Variants in PLXND1 observed in about 807,000 individuals in gnomAD.
PLXND1 encodes the protein plexin D1, also known as plexin-D1.
Under a neutral mutation model 197.7 loss-of-function variants are expected in PLXND1, and 54 were observed. The ratio of observed to expected loss-of-function variants is 0.27; its 90% CI spans 0.22 to 0.34. The LOEUF is 0.34. Among genes scored for constraint, PLXND1 ranks in the 10% least tolerant of loss-of-function variants. PLXND1 has a pLI of 1.00. For missense variants in PLXND1, 2,127 were observed against 2,699.2 expected, an observed-to-expected ratio of 0.79 and a Z score of 4.70; for synonymous variants, 1,180 against 1,161.2, an observed-to-expected ratio of 1.02 and a Z score of -0.33.
chr3:129,565,316 C>A (rs1349172154), intron 25 of PLXND1, 24 bp downstream of exon 25: 1 of 1,606,934 alleles, frequency 6.2e-7, no homozygotes, highest in East Asian at 2.2e-5. Flanking sequence ...CGCCTGGGCT[C>A]TGTCTGTCCC....
At position 129,578,239 on chromosome 3, in the gene PLXND1, G is replaced by C. The variant is rs893663402; in HGVS notation, c.2346+90C>G. The C allele has an allele frequency of 8.8e-6, 7 of 792,316 alleles. No individual in the cohort carries two copies. In the East Asian group the frequency reaches 1.8e-4, roughly 21 times the overall value. 49.1% of individuals were successfully genotyped at this position (792,316 alleles called of 1,614,324 possible). A position where few individuals can be genotyped will look rare whatever the true frequency, so the allele number is the denominator to read the frequency against. ...AGCACTGCAGTGGGCCCAGAGCAGGGGTCACACCAGGACATGGGGGCAGTT... is the reference window on the plus strand; with the variant it reads ...AGCACTGCAGTGGGCCCAGAGCAGGCGTCACACCAGGACATGGGGGCAGTT... On this transcript the variant is annotated intron_variant, in intron 9 of 35. Coordinates refer to ENST00000324093, the MANE Select transcript of PLXND1 (RefSeq NM_015103.3).
At chr3:129,603,837 A>G (rs1371761921) in intron 1 of PLXND1, among the ~76,000 whole-genome samples, 1 of 152,240 alleles carries the variant, frequency 6.6e-6, no homozygotes, top group African/African-American at 2.4e-5. Context: ...GGTCACCACA[A>G]GAAGGCTGAG....
chr3:129,563,652 C>G (rs982935006), intron 25 of PLXND1, among the ~76,000 whole-genome samples: 4 of 152,146 alleles, frequency 2.6e-5, no homozygotes, highest in African/African-American at 9.7e-5. Context: ...TTAGGTGGAC[C>G]CGAAACACCG....
Position 129,560,419 on chromosome 3 carries a change from C to G in PLXND1, c.5044G>C (p.Glu1682Gln). The G allele has an allele frequency of 6.2e-7, 1 of 1,613,216 alleles. No homozygotes were observed. The highest frequency in any genetic ancestry group is 1.1e-5 in the South Asian group (1 of 91,044). Residue 1682 changes from glutamate to glutamine, a missense_variant, in exon 31 of 36, where the codon GAG becomes CAG. Around this residue, in one of 6 missense-constraint regions of PLXND1, gnomAD observed 53 missense variants for 41.4 expected, o/e 1.28. Coordinates refer to ENST00000324093, the MANE Select transcript of PLXND1 (RefSeq NM_015103.3). ...TGAGACTTCTTGGGCTCCGCCAGCT[C>G]GTCCGTAGGCAGCACCTGGGAGGCC... is the stretch of plus-strand genomic sequence containing the variant. ...KYFHLVLPTDELAEPKKSHRQ... is the reference protein window; with the variant it reads ...KYFHLVLPTDQLAEPKKSHRQ...
intron 19 of PLXND1, 178 bp downstream of exon 19, chr3:129,570,608 T>C: frequency 1.5e-6 from 1 of 646,730 alleles, no homozygotes; most frequent in Non-Finnish European, 2.7e-6. Flanking sequence ...AGTCACTAAG[T>C]TCTTGGGCCT....
chr3:129,606,489 G>A lies in PLXND1; in HGVS notation c.151C>T (p.Arg51Cys), dbSNP rs770086679. 4 of 1,423,828 alleles carry A rather than the reference G, an allele frequency of 2.8e-6. No homozygotes were observed. Among genetic ancestry groups the A allele is most frequent in the African/African-American group, 3.0e-5 (2 of 66,866 alleles). The allele number at this position is 1,423,828 out of a possible 1,614,324, so 88.2% of individuals were successfully genotyped here. The stretch of plus-strand genomic sequence containing the variant: ...GTGGGCGTGGGCGAGGGGAACCGAC[G>A]CTGGATCTCCAGGGCGCCGGCCCGC... ...AARAGALEIQ[R>C]RFPSPTPTNN... Residue 51 changes from arginine (R) to cysteine (C), a missense_variant, in exon 1 of 36, where the codon CGT becomes TGT. By Grantham distance (180) the Arg-to-Cys change is radical (BLOSUM62 -3). Around this residue, in one of 6 missense-constraint regions of PLXND1, gnomAD observed 245 missense variants for 267.1 expected, o/e 0.92. Transcript: ENST00000324093.
In PLXND1 at chr3:129,555,641, TG is replaced by T. The variant is rs2084963171; in HGVS notation, c.*670del. 1.8e-6 allele frequency: 1 copy of T among 553,654 alleles called. No homozygotes were observed. Among genetic ancestry groups the T allele is most frequent in the African/African-American group, 2.0e-5 (1 of 50,602 alleles). 34.3% of individuals were successfully genotyped at this position (553,654 alleles called of 1,614,324 possible). A position where few individuals can be genotyped will look rare whatever the true frequency, so the allele number is the denominator to read the frequency against. On this transcript the variant is annotated 3_prime_UTR_variant, in exon 36 of 36. Transcript: ENST00000324093. ...TGCATCTTAACCCCTCTCCTTTTCCTGGAGACGGGGCTCCCAGCTCCTGTGC... is the reference window on the plus strand; with the variant it reads ...TGCATCTTAACCCCTCTCCTTTTCCTGAGACGGGGCTCCCAGCTCCTGTGC...
At chr3:129,592,059 TCA>T (rs2085549885) in intron 1 of PLXND1, among the ~76,000 whole-genome samples, 2 of 152,176 alleles carry the variant, frequency 1.3e-5, no homozygotes, top group Non-Finnish European at 2.9e-5. Context: ...CGTTCCTGCC[TCA>T]GGACCTCTGG....
At position 129,605,572 on chromosome 3, in the gene PLXND1, G is replaced by C; in HGVS notation, c.1068C>G (p.Ser356Arg). 1 of 1,534,274 alleles carries C rather than the reference G, an allele frequency of 6.5e-7. No homozygotes were observed. The highest frequency in any genetic ancestry group is 8.7e-7 in the Non-Finnish European group (1 of 1,144,520). The change falls in exon 1 of 36, where the codon AGC becomes AGG. Residue 356 changes from serine (S) to arginine (R), a missense_variant. Physicochemically the swap from Ser to Arg is moderately radical, Grantham distance 110. Coordinates refer to ENST00000324093, the MANE Select transcript of PLXND1 (RefSeq NM_015103.3). Reference sequence around the variant, plus strand: ...GGGCTGGGAAGACCGACACCAGGCGGCTGTAGAGGTCGCCGCGGCCCGCGC... The same window carrying C: ...GGGCTGGGAAGACCGACACCAGGCGCCTGTAGAGGTCGCCGCGGCCCGCGC... Reference protein sequence around the residue: ...AGGAGRGDLYSRLVSVFPARE... With the variant: ...AGGAGRGDLYRRLVSVFPARE...
chr3:129,557,331 G>GC lies in PLXND1; in HGVS notation c.5446-109dup. On this transcript the variant is annotated intron_variant, in intron 33 of 35. Coordinates refer to ENST00000324093, the MANE Select transcript of PLXND1 (RefSeq NM_015103.3). This position sits in a 1 kb window ranked among gnomAD's most constrained non-coding sequence, Gnocchi z 4.8. Reference sequence around the variant, plus strand: ...CCTGCCACATAAGTGACCTTAGCAGGCCCCCGAGGCCCAAAGAGTCTCACC... The same window carrying GC: ...CCTGCCACATAAGTGACCTTAGCAGGCCCCCCGAGGCCCAAAGAGTCTCACC... 8.1e-7 allele frequency: 1 copy of GC among 1,234,832 alleles called. No homozygotes were observed. Among genetic ancestry groups the GC allele is most frequent in the Non-Finnish European group, 1.1e-6 (1 of 870,748 alleles). 76.5% of individuals were successfully genotyped at this position (1,234,832 alleles called of 1,614,324 possible). A position where few individuals can be genotyped will look rare whatever the true frequency, so the allele number is the denominator to read the frequency against.
intron 25 of PLXND1, 62 bp from the exon 26 acceptor site, chr3:129,563,302 G>A: frequency 7.1e-7 from 1 of 1,411,918 alleles, no homozygotes. Context: ...CATGCTTTGG[G>A]CCAAACACCT....
intron 29 of PLXND1, among the ~76,000 whole-genome samples, chr3:129,561,355 C>A (rs911202269): frequency 2.0e-5 from 3 of 152,206 alleles, no homozygotes; most frequent in African/African-American, 7.2e-5. Context: ...CTGAGACGGG[C>A]ATGCTGGCCC....
Position 129,562,933 on chromosome 3 carries a change from A to G in PLXND1, c.4679T>C (p.Val1560Ala). 1 of 1,603,314 alleles carries G rather than the reference A, an allele frequency of 6.2e-7. No homozygotes were observed. The change falls in exon 27 of 36, where the codon GTG becomes GCG. Residue 1560 changes from valine (V) to alanine (A), a missense_variant. Val to Ala is a moderately conservative substitution (Grantham distance 64, BLOSUM62 0). Around this residue, in one of 6 missense-constraint regions of PLXND1, gnomAD observed 532 missense variants for 811.0 expected, o/e 0.66. Transcript: ENST00000324093. ...GTCCATGCCACAGCCCTGGAAGGACACGTTCAGGTTCTGCAGGGGGAGAGT... is the reference window on the plus strand; with the variant it reads ...GTCCATGCCACAGCCCTGGAAGGACGCGTTCAGGTTCTGCAGGGGGAGAGT... ...NIEAKPRNLN[V>A]SFQGCGMDSL...
At chr3:129,602,733 G>A (rs1461739014) in intron 1 of PLXND1, among the ~76,000 whole-genome samples, 1 of 152,204 alleles carries the variant, frequency 6.6e-6, no homozygotes, top group Non-Finnish European at 1.5e-5. Flanking sequence ...AGAGACCTGT[G>A]CTAATAATGT....
chr3:129,605,915 G>A lies in PLXND1; in HGVS notation c.725C>T (p.Ser242Phe), dbSNP rs756264701. 6.2e-7 allele frequency: 1 copy of A among 1,613,608 alleles called. No homozygotes were observed. Among genetic ancestry groups the A allele is most frequent in the Admixed American group, 1.7e-5 (1 of 60,030 alleles). The change falls in exon 1 of 36, where the codon TCC becomes TTC. Residue 242 changes from serine (S) to phenylalanine (F), a missense_variant. Ser to Phe is a radical substitution (Grantham distance 155). This residue lies in a region of PLXND1 where 1,095 missense variants were observed against 1,259.8 expected (regional missense o/e 0.87). Transcript: ENST00000324093. ...GGCCAGGTCGCCGCGCGTGTCCAGG[G>A]AGCGGATGGCGATCTCGGGCGTGTT... is the stretch of plus-strand genomic sequence containing the variant. ...FENTPEIAIR[S>F]LDTRGDLAKL...
intron 26 of PLXND1, 52 bp from the exon 27 acceptor site, chr3:129,562,995 G>A (rs1437896659): frequency 3.7e-6 from 6 of 1,606,856 alleles, no homozygotes; most frequent in African/African-American, 1.3e-5. Flanking sequence ...CCATCACTAT[G>A]TCAGTGCCCA....
At chr3:129,569,642 C>G in intron 20 of PLXND1, 2 of 565,516 alleles carry the variant, frequency 3.5e-6, no homozygotes, top group South Asian at 2.1e-5. Flanking sequence ...CCCCTGGCCA[C>G]CTAACATCTT....
chr3:129,556,695 T>C lies in PLXND1; in HGVS notation c.5587-4A>G. On this transcript the variant is annotated splice_polypyrimidine_tract_variant and splice_region_variant and intron_variant, in intron 34 of 35. Coordinates refer to ENST00000324093, the MANE Select transcript of PLXND1 (RefSeq NM_015103.3). ...TGTTGAACTCATTCTGGTATTTCTA[T>C]AAGGAGGCAGGATGGGGAGGAGGTT... 9 of 1,607,508 alleles carry C rather than the reference T, an allele frequency of 5.6e-6. No individual in the cohort carries two copies. The highest frequency in any genetic ancestry group is 7.7e-6 in the Non-Finnish European group (9 of 1,174,858).
rs1055962150 is a variant in PLXND1, at chr3:129,577,558, GCCA to G, written c.2346+768_2346+770del. Among the ~76,000 whole-genome samples, 3 of 152,102 alleles carry G rather than the reference GCCA, an allele frequency of 2.0e-5. No homozygotes were observed. Among genetic ancestry groups the G allele is most frequent in the African/African-American group, 7.2e-5 (3 of 41,466 alleles). On this transcript the variant is annotated intron_variant, in intron 9 of 35. Transcript: ENST00000324093. The surrounding 1 kb of genome is among the most constrained non-coding windows in gnomAD (Gnocchi z 5.0). The stretch of plus-strand genomic sequence containing the variant: ...ACACATCCCAGATGCCCGGCACGTG[GCCA>G]CCACGTGTGACAGCTCTCACGGGCC...
Sources: allele counts gnomAD v4.1 joint callset (sites outside exome capture counted in the v4.1 genomes callset), GRCh38; gene constraint gnomAD v4.1.1; regional missense constraint gnomAD v4.1.1; non-coding constraint Gnocchi (gnomAD v3.1); transcripts MANE v1.5; gene names NCBI Gene and HGNC (gene_info 2026-07-23, HGNC 2026-07-21).